NBAS: variants seen among roughly 807,000 people sequenced by gnomAD.
The protein encoded by NBAS is NBAS subunit of NRZ tethering complex.
NBAS carries 219 observed loss-of-function variants against 302.5 expected under a neutral mutation model. The observed-to-expected ratio is 0.72, with a 90% CI of 0.65 to 0.81. The LOEUF is 0.81. Among genes scored for constraint, NBAS ranks in the 30% least tolerant of loss-of-function variants. The probability of loss-of-function intolerance (pLI) is 0.00; values close to 1 mark genes in which losing one functional copy is unlikely to be tolerated. For synonymous variants in NBAS, 1,118 were observed against 1,021.6 expected, an observed-to-expected ratio of 1.09 and a Z score of -1.80; for missense variants, 2,932 against 2,841.6, an observed-to-expected ratio of 1.03 and a Z score of -0.72.
chr2:15,171,536 G>C (rs1664289880), intron 51 of NBAS, among the ~76,000 whole-genome samples: 1 of 152,088 alleles, frequency 6.6e-6, no homozygotes, highest in African/African-American at 2.4e-5. Context: ...ATTTTAAGTT[G>C]TCTGATATTA....
intron 44 of NBAS, among the ~76,000 whole-genome samples, chr2:15,255,626 T>C (rs1668558474): frequency 6.6e-6 from 1 of 152,122 alleles, no homozygotes; most frequent in South Asian, 2.1e-4. Context: ...CTTAGCCTAA[T>C]CCAATGTCTA....
intron 49 of NBAS, among the ~76,000 whole-genome samples, chr2:15,189,242 C>A (rs1321184279): frequency 6.6e-6 from 1 of 152,190 alleles, no homozygotes; most frequent in African/African-American, 2.4e-5. Context: ...CATTTCTTTT[C>A]TTTCTGAAAA....
the NBAS span, among the ~76,000 whole-genome samples, chr2:14,931,086 A>G: frequency 6.6e-6 from 1 of 152,220 alleles, no homozygotes. Flanking sequence ...GAATGAATGA[A>G]TGAACACCTA....
chr2:15,003,838 A>T, the NBAS span, among the ~76,000 whole-genome samples: 9 of 152,230 alleles, frequency 5.9e-5, no homozygotes, highest in African/African-American at 2.2e-4. Flanking sequence ...AGCACCTGAT[A>T]TTTCAAGTTC....
intron 7 of NBAS, among the ~76,000 whole-genome samples, chr2:15,537,759 C>T (rs1663589380): frequency 6.6e-6 from 1 of 152,148 alleles, no homozygotes; most frequent in African/African-American, 2.4e-5. Flanking sequence ...CTTCTTTGAG[C>T]TTTCACGTCT....
the NBAS span, among the ~76,000 whole-genome samples, chr2:14,950,832 A>T: frequency 1.3e-5 from 2 of 152,236 alleles, no homozygotes; most frequent in Admixed American, 1.3e-4. Flanking sequence ...GTAAATAACC[A>T]AACATATTTC....
the NBAS span, among the ~76,000 whole-genome samples, chr2:15,064,322 C>CAAAAAAAAAA: frequency 7.4e-6 from 1 of 135,016 alleles, no homozygotes; most frequent in African/African-American, 2.9e-5. Flanking sequence ...AAAAAAAAAT[C>CAAAAAAAAAA]AGAAACGAGG....
At chr2:15,209,502 AGGC>A (rs1389809265) in intron 48 of NBAS, among the ~76,000 whole-genome samples, 1 of 152,166 alleles carries the variant, frequency 6.6e-6, no homozygotes, top group African/African-American at 2.4e-5. Flanking sequence ...ATAAAACTAC[AGGC>A]CAATATCATT....
At chr2:15,037,955 C>T in the NBAS span, among the ~76,000 whole-genome samples, 2,057 of 152,042 alleles carry the variant, frequency 0.014, 51 homozygotes, top group African/African-American at 0.046. Context: ...ATGGCCCCTC[C>T]GTCTGACTGT....
chr2:15,345,371 G>C (rs995065617), intron 35 of NBAS, among the ~76,000 whole-genome samples: 1 of 151,730 alleles, frequency 6.6e-6, no homozygotes, highest in Non-Finnish European at 1.5e-5. Flanking sequence ...ACAACAGATA[G>C]AGAGCCAAAT....
the NBAS span, among the ~76,000 whole-genome samples, chr2:14,855,749 G>A: frequency 2.0e-5 from 3 of 152,088 alleles, no homozygotes; most frequent in African/African-American, 7.2e-5. Flanking sequence ...GGTCAGGCAC[G>A]ATACAATAGA....
chr2:14,970,999 G>A, the NBAS span, among the ~76,000 whole-genome samples: 1 of 152,150 alleles, frequency 6.6e-6, no homozygotes, highest in Non-Finnish European at 1.5e-5. Flanking sequence ...AAGAATTATG[G>A]CAGAAAGACC....
At chr2:14,958,938 G>A in the NBAS span, among the ~76,000 whole-genome samples, 1 of 152,194 alleles carries the variant, frequency 6.6e-6, no homozygotes, top group African/African-American at 2.4e-5. Context: ...AGGAAGACTG[G>A]GGATTGCAGT....
At chr2:15,457,606 G>A (rs958320640) in intron 21 of NBAS, among the ~76,000 whole-genome samples, 5 of 152,224 alleles carry the variant, frequency 3.3e-5, no homozygotes, top group South Asian at 2.1e-4. Flanking sequence ...GATCACTCGT[G>A]CTGAAGAGGA....
the NBAS span, among the ~76,000 whole-genome samples, chr2:15,137,244 C>A: frequency 6.6e-6 from 1 of 152,182 alleles, no homozygotes; most frequent in Non-Finnish European, 1.5e-5. Context: ...TTACAGCAGC[C>A]TGGGTCTAGA....
chr2:15,245,542 C>T (rs1394473498), intron 44 of NBAS, among the ~76,000 whole-genome samples: 3 of 152,104 alleles, frequency 2.0e-5, no homozygotes, highest in African/African-American at 7.2e-5. Flanking sequence ...TATTGTTTGT[C>T]ACTGCTACAT....
chr2:14,902,370 G>T, the NBAS span, among the ~76,000 whole-genome samples: 1 of 152,166 alleles, frequency 6.6e-6, no homozygotes, highest in Non-Finnish European at 1.5e-5. Context: ...GGCCTCAAGT[G>T]ATCCACCCTC....
the NBAS span, among the ~76,000 whole-genome samples, chr2:15,048,573 C>A: frequency 6.6e-6 from 1 of 152,224 alleles, no homozygotes; most frequent in East Asian, 1.9e-4. Flanking sequence ...AGTGTGTACT[C>A]CTGCTCCACC....
At chr2:15,032,775 A>G in the NBAS span, among the ~76,000 whole-genome samples, 41 of 152,340 alleles carry the variant, frequency 2.7e-4, no homozygotes, top group African/African-American at 9.9e-4. Flanking sequence ...GCCAGTTCCA[A>G]CTGAAAGGAA....
Sources: gnomAD v4.1 joint callset for allele counts (sites outside exome capture counted in the v4.1 genomes callset) on GRCh38, gnomAD v4.1.1 for gene constraint, MANE v1.5 for transcripts, NCBI Gene and HGNC (gene_info 2026-07-23, HGNC 2026-07-21) for gene names.